The following NAALADL2 variants were observed in gnomAD, a reference collection of about 807,000 sequenced individuals.
NAALADL2 encodes the protein inactive N-acetylated-alpha-linked acidic dipeptidase-like protein 2.
In NAALADL2, 76 loss-of-function variants were observed where a neutral mutation model predicts 87.2. The ratio of observed to expected loss-of-function variants is 0.87; its 90% confidence interval spans 0.72 to 1.05. The LOEUF is 1.05. NAALADL2 is among the 50% of genes least tolerant of loss of function. The probability of loss-of-function intolerance (pLI) is 0.00; values close to 1 mark genes in which losing one functional copy is unlikely to be tolerated. For missense variants in NAALADL2, 1,089 were observed against 945.8 expected (o/e 1.15, Z -1.99); for synonymous variants, 354 against 331.0 (o/e 1.07, Z -0.75).
chr3:175,640,807 T>TA (rs1263451925), intron 11 of NAALADL2, among the ~76,000 whole-genome samples: 6 of 152,138 alleles, frequency 3.9e-5, no homozygotes, highest in South Asian at 2.1e-4. Context: ...AGTTTTTATA[T>TA]AAAAAAATTT....
chr3:174,532,245 C>T (rs920488950), intron 1 of NAALADL2, among the ~76,000 whole-genome samples: 7 of 152,132 alleles, frequency 4.6e-5, no homozygotes, highest in African/African-American at 1.2e-4. Flanking sequence ...AGGACTGAGA[C>T]AGACATGAGC....
chr3:175,320,236 A>G (rs1460620634), intron 4 of NAALADL2, among the ~76,000 whole-genome samples: 1 of 152,262 alleles, frequency 6.6e-6, no homozygotes, highest in African/African-American at 2.4e-5. Flanking sequence ...TTTTACAAAA[A>G]AAAATCAATT....
At chr3:175,345,905 A>G (rs1763104765) in intron 5 of NAALADL2, among the ~76,000 whole-genome samples, 1 of 152,176 alleles carries the variant, frequency 6.6e-6, no homozygotes, top group Non-Finnish European at 1.5e-5. Context: ...AAAGCTTCTC[A>G]TTGAACCAAA....
chr3:175,260,739 T>C (rs1017190465), intron 4 of NAALADL2, among the ~76,000 whole-genome samples: 5 of 152,166 alleles, frequency 3.3e-5, no homozygotes, highest in African/African-American at 1.2e-4. Flanking sequence ...AAATCAGCGT[T>C]TAAAAATGAA....
At chr3:175,677,370 AT>A (rs1264137581) in intron 11 of NAALADL2, among the ~76,000 whole-genome samples, 2 of 151,790 alleles carry the variant, frequency 1.3e-5, no homozygotes, top group Admixed American at 6.5e-5. Flanking sequence ...AAAAAAAAAA[AT>A]AAATAAAAAT....
At chr3:174,803,946 A>G (rs1719152190) in intron 3 of NAALADL2, among the ~76,000 whole-genome samples, 1 of 152,164 alleles carries the variant, frequency 6.6e-6, no homozygotes, top group Admixed American at 6.5e-5. Context: ...TGTCGTGGCT[A>G]TGCGGGCTCT....
At chr3:174,945,152 C>T (rs1444815250) in intron 1 of NAALADL2, among the ~76,000 whole-genome samples, 1 of 152,150 alleles carries the variant, frequency 6.6e-6, no homozygotes. Context: ...TGTATTTCTC[C>T]ATTTGTGGAA....
At chr3:174,566,637 A>G (rs1435887266) in intron 2 of NAALADL2, among the ~76,000 whole-genome samples, 1 of 150,346 alleles carries the variant, frequency 6.7e-6, no homozygotes, top group East Asian at 2.0e-4. Flanking sequence ...TATGTCTTTA[A>G]TTTTTTCCCT....
Position 175,737,326 on chromosome 3 carries a change from G to A in NAALADL2, c.1917G>A (p.Leu639=), listed in dbSNP as rs1561060926. Residue 639 remains leucine (L), a synonymous_variant, in exon 12 of 14, where the codon TTG becomes TTA. Transcript: ENST00000454872. ...TITKLSGEVI[L]QIANEPVLPF... ...TTCAGCTCTCAGGAGAAGTGATTTT[G>A]CAAATTGCCAACGAACCTGTTCTGC... 1.9e-6 allele frequency: 3 copies of A among 1,609,310 alleles called. No individual in the cohort carries two copies. Among genetic ancestry groups the A allele is most frequent in the East Asian group, 2.2e-5 (1 of 44,760 alleles).
At chr3:175,068,158 G>A (rs910862553) in intron 1 of NAALADL2, among the ~76,000 whole-genome samples, 4 of 151,996 alleles carry the variant, frequency 2.6e-5, no homozygotes, top group Non-Finnish European at 4.4e-5. Flanking sequence ...CTACCTGGAT[G>A]TTGGGATCTT....
chr3:175,326,020 T>A (rs974383210), intron 5 of NAALADL2, among the ~76,000 whole-genome samples: 1 of 152,238 alleles, frequency 6.6e-6, no homozygotes, highest in African/African-American at 2.4e-5. Context: ...AATTAAAAAT[T>A]CCATTTTAAA....
At chr3:175,251,952 T>G (rs1749142465) in intron 3 of NAALADL2, among the ~76,000 whole-genome samples, 1 of 152,232 alleles carries the variant, frequency 6.6e-6, no homozygotes, top group African/African-American at 2.4e-5. Flanking sequence ...TGGGAAAAAC[T>G]ACAAATCCTC....
chr3:175,754,789 A>C (rs986769847), intron 12 of NAALADL2, among the ~76,000 whole-genome samples: 3 of 152,178 alleles, frequency 2.0e-5, no homozygotes, highest in Non-Finnish European at 4.4e-5. Context: ...CTTAGTTCTC[A>C]GCTTCTATGA....
chr3:174,839,287 C>A (rs1360952617), intron 3 of NAALADL2, among the ~76,000 whole-genome samples: 1 of 152,052 alleles, frequency 6.6e-6, no homozygotes, highest in Non-Finnish European at 1.5e-5. Flanking sequence ...AATTGGCTAG[C>A]CACACGTAGG....
At chr3:175,656,472 T>A (rs1292956543) in intron 11 of NAALADL2, among the ~76,000 whole-genome samples, 1 of 152,210 alleles carries the variant, frequency 6.6e-6, no homozygotes, top group African/African-American at 2.4e-5. Flanking sequence ...GAGAATTCAC[T>A]GTCAGGAATT....
chr3:175,627,471 A>G, intron 11 of NAALADL2, 85 bp downstream of exon 11: 1 of 811,252 alleles, frequency 1.2e-6, no homozygotes, highest in Admixed American at 2.9e-5. Context: ...TAACCAATCA[A>G]GAGCAATCCG....
chr3:174,778,031 A>C (rs1389225120), intron 3 of NAALADL2, among the ~76,000 whole-genome samples: 1 of 152,102 alleles, frequency 6.6e-6, no homozygotes, highest in African/African-American at 2.4e-5. Context: ...ACAATTACAC[A>C]GATTTTAAAA....
intron 11 of NAALADL2, among the ~76,000 whole-genome samples, chr3:175,648,143 G>T (rs930335866): frequency 2.0e-5 from 3 of 152,048 alleles, no homozygotes; most frequent in African/African-American, 4.8e-5. Flanking sequence ...CCTTGGGGTG[G>T]GGGAGCAAAT....
chr3:174,530,679 A>G (rs1721161307), intron 1 of NAALADL2, among the ~76,000 whole-genome samples: 1 of 152,156 alleles, frequency 6.6e-6, no homozygotes, highest in Non-Finnish European at 1.5e-5. Flanking sequence ...TTGTGTAGGG[A>G]AACTCCCAAT....
Sources: allele counts gnomAD v4.1 joint callset (sites outside exome capture counted in the v4.1 genomes callset), GRCh38; gene constraint gnomAD v4.1.1; transcripts MANE v1.5; gene names NCBI Gene and HGNC (gene_info 2026-07-23, HGNC 2026-07-21).